Variants in FMN1 observed in about 807,000 individuals in gnomAD.
The protein encoded by FMN1 is formin 1, also known as formin-1.
A neutral mutation model predicts 132.4 loss-of-function variants in FMN1; 110 were observed. That is an observed-to-expected ratio of 0.83 (90% CI 0.71 to 0.97). The LOEUF is 0.97. Ranked by LOEUF, FMN1 falls within the 50% of genes least tolerant of loss-of-function variation. FMN1 has a pLI of 0.00. For synonymous variants in FMN1, 722 were observed against 651.7 expected (o/e 1.11, Z -1.64); for missense variants, 1,792 against 1,705.3 (o/e 1.05, Z -0.90).
At chr15:33,151,926 C>G (rs1034708714) in intron 4 of FMN1, among the ~76,000 whole-genome samples, 1 of 152,160 alleles carries the variant, frequency 6.6e-6, no homozygotes, top group Non-Finnish European at 1.5e-5. Flanking sequence ...TAAAGCTCTA[C>G]CCCCTGGATC....
intron 9 of FMN1, among the ~76,000 whole-genome samples, chr15:32,945,104 T>C (rs1223934608): frequency 1.3e-5 from 2 of 152,208 alleles, no homozygotes; most frequent in Non-Finnish European, 2.9e-5. Context: ...TTTTTATATT[T>C]CTAATAATCT....
intron 4 of FMN1, among the ~76,000 whole-genome samples, chr15:33,104,693 G>C (rs188477596): frequency 3.6e-4 from 55 of 152,110 alleles, no homozygotes; most frequent in Middle Eastern, 3.4e-3. Flanking sequence ...TTCTCAAATA[G>C]TTTTGTGATT....
At chr15:32,996,195 A>ACC (rs1190461667) in intron 7 of FMN1, among the ~76,000 whole-genome samples, 10 of 152,186 alleles carry the variant, frequency 6.6e-5, no homozygotes. Context: ...ACATTGTCAC[A>ACC]CCCACTTTAA....
At chr15:32,979,874 AT>A (rs1319846274) in intron 7 of FMN1, among the ~76,000 whole-genome samples, 3 of 152,112 alleles carry the variant, frequency 2.0e-5, no homozygotes, top group Non-Finnish European at 4.4e-5. Flanking sequence ...CCCTGAATTA[AT>A]TTTTGCAAGT....
chr15:32,988,130 A>G (rs1231847719), intron 7 of FMN1, among the ~76,000 whole-genome samples: 8 of 147,716 alleles, frequency 5.4e-5, no homozygotes, highest in Non-Finnish European at 3.0e-5. Context: ...TTGGACTCCA[A>G]TGTTTGATTC....
chr15:33,097,159 T>G (rs1453242110), intron 4 of FMN1, among the ~76,000 whole-genome samples: 1 of 152,010 alleles, frequency 6.6e-6, no homozygotes, highest in Non-Finnish European at 1.5e-5. Flanking sequence ...CAGCCAAGCC[T>G]GGTGGCCTGC....
In FMN1 at chr15:32,816,968, A is replaced by G. The variant is rs554139441; in HGVS notation, c.3929-12636T>C. On this transcript the variant is annotated intron_variant, in intron 17 of 20. Transcript: ENST00000616417. ...AGTAAAATTCAGATAAAAAGCTATT[A>G]GGCATGGTCAGAGATTTTAATGGCT... 2.0e-5 allele frequency among the ~76,000 whole-genome samples: 3 copies of G among 152,344 alleles called. No individual in the cohort carries two copies. In the South Asian group the frequency reaches 6.2e-4, roughly 32 times the overall value.
At chr15:33,140,554 C>T (rs1213475393) in intron 4 of FMN1, among the ~76,000 whole-genome samples, 5 of 152,188 alleles carry the variant, frequency 3.3e-5, no homozygotes, top group Non-Finnish European at 5.9e-5. Flanking sequence ...CATATGATTC[C>T]TGCCACCCAG....
At chr15:33,003,046 G>A (rs959540803) in intron 7 of FMN1, among the ~76,000 whole-genome samples, 3 of 152,144 alleles carry the variant, frequency 2.0e-5, no homozygotes, top group Admixed American at 6.5e-5. Context: ...AATAAATTAG[G>A]TATTGATGGG....
At chr15:32,873,783 T>G (rs1359626072) in intron 16 of FMN1, among the ~76,000 whole-genome samples, 2 of 152,102 alleles carry the variant, frequency 1.3e-5, no homozygotes, top group Non-Finnish European at 2.9e-5. Context: ...GCCCTGATGT[T>G]AATAAGACTA....
At chr15:32,902,265 T>C (rs1377093860) in intron 12 of FMN1, among the ~76,000 whole-genome samples, 2 of 152,174 alleles carry the variant, frequency 1.3e-5, no homozygotes, top group African/African-American at 2.4e-5. Flanking sequence ...ATGCATGGTA[T>C]AGAAATTCCT....
chr15:32,916,573 C>T (rs1467935928), intron 10 of FMN1, among the ~76,000 whole-genome samples: 1 of 152,138 alleles, frequency 6.6e-6, no homozygotes, highest in African/African-American at 2.4e-5. Context: ...GGTTGGCTCA[C>T]CAGGTTTCGG....
chr15:32,947,339 C>T (rs541002671), intron 9 of FMN1, among the ~76,000 whole-genome samples: 1 of 152,142 alleles, frequency 6.6e-6, no homozygotes, highest in South Asian at 2.1e-4. Flanking sequence ...CATAGATTTG[C>T]TTCTGAGCTC....
intron 17 of FMN1, among the ~76,000 whole-genome samples, chr15:32,848,972 C>CTT (rs1224231827): frequency 1.1e-3 from 73 of 68,550 alleles, no homozygotes; most frequent in Middle Eastern, 9.3e-3. Context: ...GGTTAGTTCT[C>CTT]TTTTGTTTTT....
At position 33,031,346 on chromosome 15, in the gene FMN1, C is replaced by A. The variant is rs180840453; in HGVS notation, c.2162-23271G>T. 9.8e-4 allele frequency among the ~76,000 whole-genome samples: 149 copies of A among 152,292 alleles called. 2 individuals carry two copies. Among genetic ancestry groups the A allele is most frequent in the Middle Eastern group, 3.4e-3 (1 of 294 alleles). ...GTGGAGAGGGTCTGCTTCTGATGCA[C>A]CTGAGAGCACAAACTTCACAGAGGA... On this transcript the variant is annotated intron_variant, in intron 6 of 20. Coordinates refer to ENST00000616417, the MANE Select transcript of FMN1 (RefSeq NM_001277313.2).
intron 7 of FMN1, among the ~76,000 whole-genome samples, chr15:32,991,027 G>A (rs533111426): frequency 2.0e-5 from 3 of 152,232 alleles, no homozygotes; most frequent in East Asian, 3.9e-4. Flanking sequence ...GCAACCAAAC[G>A]AGAAAAGAGC....
chr15:32,965,261 G>C (rs772035960), intron 8 of FMN1, among the ~76,000 whole-genome samples: 2 of 151,980 alleles, frequency 1.3e-5, no homozygotes, highest in African/African-American at 4.8e-5. Context: ...TTAGCTGGGC[G>C]TGGTGGTGGG....
intron 3 of FMN1, among the ~76,000 whole-genome samples, chr15:33,156,273 G>GTT (rs59517614): frequency 1.1e-5 from 1 of 87,244 alleles, no homozygotes; most frequent in African/African-American, 4.6e-5. Flanking sequence ...CACTCAAGTA[G>GTT]TTTTTTTTTT....
At chr15:33,035,845 A>T (rs2036166106) in intron 6 of FMN1, among the ~76,000 whole-genome samples, 1 of 152,206 alleles carries the variant, frequency 6.6e-6, no homozygotes, top group Non-Finnish European at 1.5e-5. Flanking sequence ...TTAAGAGGTG[A>T]TTCGATCAGA....
Sources: allele counts gnomAD v4.1 joint callset (sites outside exome capture counted in the v4.1 genomes callset), GRCh38; gene constraint gnomAD v4.1.1; transcripts MANE v1.5; gene names NCBI Gene and HGNC (gene_info 2026-07-23, HGNC 2026-07-21).